Variants in RAD17 observed in about 807,000 individuals in gnomAD.
The protein encoded by RAD17 is cell cycle checkpoint protein RAD17.
RAD17 carries 31 observed loss-of-function variants against 81.5 expected under a neutral mutation model. The ratio of observed to expected loss-of-function variants is 0.38; its 90% CI spans 0.29 to 0.51. The LOEUF (loss-of-function observed/expected upper bound fraction) is 0.51. Ranked by LOEUF, RAD17 falls within the 20% of genes least tolerant of loss-of-function variation. The pLI, the probability that RAD17 is intolerant of heterozygous loss-of-function variation, is 0.88. For missense variants in RAD17, 681 were observed against 781.2 expected (o/e 0.87, Z 1.53); for synonymous variants, 261 against 266.2 (o/e 0.98, Z 0.19).
In RAD17 at chr5:69,393,162, T is replaced by C. The variant is rs775409257; in HGVS notation, c.1197T>C (p.Ser399=). Residue 399 remains serine, a synonymous_variant, in exon 14 of 19, where the codon TCT becomes TCC. Coordinates refer to ENST00000354868, the MANE Select transcript of RAD17 (RefSeq NM_133338.3). The stretch of plus-strand genomic sequence containing the variant: ...TCCAGAAATTTTTTATAGGAGCATC[T>C]TTAACAGAATTAGACTCACCTCGGT... ...LGKILYCKRA[S]LTELDSPRLP... is the part of the protein sequence containing the mutation. 6 of 1,601,238 alleles carry C rather than the reference T, an allele frequency of 3.7e-6. No individual in the cohort carries two copies. The African/African-American group carries it at 8.1e-5, about 21-fold the overall frequency.
chr5:69,374,234 C>A, intron 5 of RAD17, 147 bp downstream of exon 5: 1 of 703,582 alleles, frequency 1.4e-6, no homozygotes. Context: ...TTTTTATTTT[C>A]CAAGGCTTAG....
chr5:69,383,371 A>G (rs1763972657), intron 7 of RAD17, among the ~76,000 whole-genome samples: 1 of 150,476 alleles, frequency 6.6e-6, no homozygotes, highest in Non-Finnish European at 1.5e-5. Flanking sequence ...TTTCTTTATT[A>G]TTATTATTAC....
At chr5:69,373,734 A>G in intron 4 of RAD17, 96 bp from the exon 5 acceptor site, 1 of 848,802 alleles carries the variant, frequency 1.2e-6, no homozygotes, top group Non-Finnish European at 1.8e-6. Flanking sequence ...AAAGGTTATA[A>G]ATATATGAAT....
chr5:69,373,919 C>T lies in RAD17; in HGVS notation c.99C>T (p.Asn33=). ...TITATSLGVN[N]SSHRRKNGPS... is the part of the protein sequence containing the mutation. ...CTGCCACATCATTAGGTGTGAATAA[C>T]TCAAGTCATAGAAGAAAAAATGGGC... The change falls in exon 5 of 19, where the codon AAC becomes AAT. Residue 33 remains asparagine, a synonymous_variant. Transcript: ENST00000354868. 6.2e-7 allele frequency: 1 copy of T among 1,612,052 alleles called. No homozygotes were observed. Among genetic ancestry groups the T allele is most frequent in the Non-Finnish European group, 8.5e-7 (1 of 1,178,738 alleles).
At chr5:69,396,579 A>C in intron 16 of RAD17, 33 bp downstream of exon 16, 1 of 1,470,512 alleles carries the variant, frequency 6.8e-7, no homozygotes, top group Non-Finnish European at 9.0e-7. Context: ...TGTACTTTCA[A>C]TATGTGAACT....
rs192146837 is a variant in RAD17, at chr5:69,400,045, A to G, written c.1573-4A>G. On this transcript the variant is annotated splice_region_variant and splice_polypyrimidine_tract_variant and intron_variant, in intron 16 of 18. Coordinates refer to ENST00000354868, the MANE Select transcript of RAD17 (RefSeq NM_133338.3). ...TTCATCTTTTTTTTTTCTTTTCTAT[A>G]CAGTATCGGGAAAATTGCCTGGCAG... The G allele has an allele frequency of 1.9e-5, 29 of 1,567,198 alleles. No individual in the cohort carries two copies. In the East Asian group the frequency reaches 2.3e-4, roughly 12 times the overall value.
At chr5:69,377,942 G>C (rs958207157) in intron 6 of RAD17, among the ~76,000 whole-genome samples, 2 of 151,566 alleles carry the variant, frequency 1.3e-5, no homozygotes, top group Non-Finnish European at 2.9e-5. Flanking sequence ...GCAAGTGTGT[G>C]CCACCGCATC....
chr5:69,397,403 A>G (rs1764960589), intron 16 of RAD17, among the ~76,000 whole-genome samples: 1 of 152,154 alleles, frequency 6.6e-6, no homozygotes. Context: ...TGGCCTCTCA[A>G]AGTGCTGGGA....
intron 12 of RAD17, among the ~76,000 whole-genome samples, chr5:69,390,651 C>T (rs182268326): frequency 3.9e-5 from 6 of 152,116 alleles, no homozygotes; most frequent in Admixed American, 3.3e-4. Flanking sequence ...TATCTCATTT[C>T]ATTAACTGTC....
chr5:69,402,076 T>G (rs1308270412), intron 17 of RAD17, among the ~76,000 whole-genome samples: 2 of 150,372 alleles, frequency 1.3e-5, no homozygotes, highest in Non-Finnish European at 1.5e-5. Context: ...AGATGGAGTT[T>G]CACTCTTGTT....
At chr5:69,393,323 C>T in intron 14 of RAD17, 31 bp from the exon 15 acceptor site, 1 of 1,577,566 alleles carries the variant, frequency 6.3e-7, no homozygotes, top group Non-Finnish European at 8.6e-7. Context: ...GCATTTTTAC[C>T]AAATTTATGT....
In RAD17 at chr5:69,414,639, C is replaced by T. The variant is rs751744017; in HGVS notation, c.*347C>T. The T allele has an allele frequency of 3.1e-6, 1 of 326,838 alleles. No individual in the cohort carries two copies. Among genetic ancestry groups the T allele is most frequent in the Non-Finnish European group, 5.7e-6 (1 of 176,770 alleles). The allele number at this position is 326,838 out of a possible 1,614,324, so 20.2% of individuals were successfully genotyped here. ...TGGGGGGTTGTAAATATCAACTATT[C>T]AACAGTTTAGGATGCAATTACGAGT... On this transcript the variant is annotated 3_prime_UTR_variant, in exon 19 of 19. Transcript: ENST00000354868.
At chr5:69,378,741 TG>T (rs771684512) in intron 6 of RAD17, among the ~76,000 whole-genome samples, 2 of 152,230 alleles carry the variant, frequency 1.3e-5, no homozygotes, top group Non-Finnish European at 2.9e-5. Flanking sequence ...GGATACATTC[TG>T]GGAAATGTGT....
chr5:69,372,288 G>A, intron 4 of RAD17, 71 bp downstream of exon 4: 1 of 1,326,096 alleles, frequency 7.5e-7, no homozygotes, highest in South Asian at 1.2e-5. Flanking sequence ...TCCTAACTCT[G>A]TCTTAAAAGA....
rs746291482 is a variant in RAD17 at position 69,393,229 on chromosome 5, G to A, written c.1264G>A (p.Val422Ile). ...AGAATATGAACGGGATACATTACTT[G>A]TTGAACCTGAGGTAAGTTCTTTGAT... ...LSEYERDTLL[V>I]EPEEVVEMSH... is the part of the protein sequence containing the mutation. Residue 422 changes from valine to isoleucine, a missense_variant, in exon 14 of 19, where the codon GTT (valine) becomes ATT (isoleucine). Physicochemically the swap from Val to Ile is conservative, Grantham distance 29. Transcript: ENST00000354868. The A allele has an allele frequency of 2.5e-6, 4 of 1,608,278 alleles. No homozygotes were observed. In the East Asian group the frequency reaches 8.9e-5, roughly 36 times the overall value.
chr5:69,377,182 A>G (rs1396260764), intron 6 of RAD17, among the ~76,000 whole-genome samples: 1 of 152,034 alleles, frequency 6.6e-6, no homozygotes, highest in East Asian at 1.9e-4. Context: ...GATGTTTCAT[A>G]GAAATCTCGT....
At chr5:69,401,478 C>G (rs1765262503) in intron 17 of RAD17, among the ~76,000 whole-genome samples, 1 of 141,132 alleles carries the variant, frequency 7.1e-6, no homozygotes, top group East Asian at 2.1e-4. Flanking sequence ...TTCAGTATTA[C>G]AAAAATGCCT....
In RAD17 at chr5:69,371,448, C is replaced by A. The variant is rs868390145; in HGVS notation, c.-279-6C>A. The A allele has an allele frequency of 7.9e-3, 3,659 of 461,774 alleles. 235 individuals carry two copies. The highest frequency in any genetic ancestry group is 0.072 in the African/African-American group (3,257 of 45,284). 28.6% of individuals were successfully genotyped at this position (461,774 alleles called of 1,614,324 possible). A position where few individuals can be genotyped will look rare whatever the true frequency, so the allele number is the denominator to read the frequency against. On this transcript the variant is annotated splice_polypyrimidine_tract_variant and splice_region_variant and intron_variant, in intron 2 of 18. Transcript: ENST00000354868. ...TTTGAGGGCTTCTTCCCCCCCCCCC[C>A]CCCAGGTGAATTATAGTTTAATGTA...
intron 5 of RAD17, 98 bp from the exon 6 acceptor site, chr5:69,374,530 A>C (rs532536032): frequency 2.9e-6 from 2 of 696,774 alleles, no homozygotes; most frequent in East Asian, 5.5e-5. Flanking sequence ...CTGATTTGCT[A>C]CTTCTTTTCG....
Sources: allele counts gnomAD v4.1 joint callset (sites outside exome capture counted in the v4.1 genomes callset), GRCh38; gene constraint gnomAD v4.1.1; transcripts MANE v1.5; gene names NCBI Gene and HGNC (gene_info 2026-07-23, HGNC 2026-07-21).